The following AGBL4 variants were observed in gnomAD, a reference collection of about 807,000 sequenced individuals.
AGBL4 encodes AGBL carboxypeptidase 4.
In AGBL4, 58 loss-of-function variants were observed where a neutral mutation model predicts 66.4. The observed-to-expected ratio is 0.87, with a 90% CI of 0.71 to 1.09. The LOEUF (loss-of-function observed/expected upper bound fraction) is 1.09. Ranked by LOEUF, AGBL4 falls within the 50% of genes least tolerant of loss-of-function variation. AGBL4 has a pLI of 0.00. For missense variants in AGBL4, 579 were observed against 631.0 expected, an observed-to-expected ratio of 0.92 and a Z score of 0.88; for synonymous variants, 234 against 222.9, an observed-to-expected ratio of 1.05 and a Z score of -0.44.
chr1:48,612,509 C>T (rs921808864), intron 9 of AGBL4, among the ~76,000 whole-genome samples: 2 of 152,186 alleles, frequency 1.3e-5, no homozygotes, highest in African/African-American at 2.4e-5. Context: ...GGCAGGGAGG[C>T]TTCTTTCTAC....
At chr1:48,614,571 C>A (rs757986879) in intron 9 of AGBL4, among the ~76,000 whole-genome samples, 5 of 152,206 alleles carry the variant, frequency 3.3e-5, no homozygotes, top group Non-Finnish European at 7.3e-5. Context: ...GCTCTCTTGT[C>A]GCTTTTCCAT....
chr1:48,727,832 G>C, intron 6 of AGBL4: 1 of 1,523,380 alleles, frequency 6.6e-7, no homozygotes, highest in East Asian at 2.3e-5. Flanking sequence ...ACCATCGCTC[G>C]CAAATCACAT....
intron 1 of AGBL4, among the ~76,000 whole-genome samples, chr1:50,000,713 A>G (rs543684824): frequency 1.9e-4 from 29 of 152,344 alleles, no homozygotes; most frequent in South Asian, 1.5e-3. Flanking sequence ...TATGGTATAT[A>G]TACACCATGG....
chr1:49,329,360 A>G (rs781177479), intron 3 of AGBL4, among the ~76,000 whole-genome samples: 1 of 151,820 alleles, frequency 6.6e-6, no homozygotes, highest in South Asian at 2.1e-4. Flanking sequence ...AGCTCTCCCA[A>G]CTTAAAAAAA....
chr1:49,064,934 A>T (rs965524082), intron 4 of AGBL4, among the ~76,000 whole-genome samples: 10 of 152,196 alleles, frequency 6.6e-5, no homozygotes, highest in African/African-American at 1.9e-4. Context: ...TAAGGTTACA[A>T]TTCTAAGAAT....
intron 4 of AGBL4, among the ~76,000 whole-genome samples, chr1:49,085,756 T>A (rs1243380509): frequency 6.6e-6 from 1 of 152,038 alleles, no homozygotes; most frequent in African/African-American, 2.4e-5. Flanking sequence ...CCTGGGGGAT[T>A]CATACTCTCC....
intron 13 of AGBL4, 148 bp from the exon 14 acceptor site, chr1:48,534,441 CA>C (rs1643937127): frequency 1.8e-6 from 2 of 1,105,270 alleles, no homozygotes; most frequent in African/African-American, 1.6e-5. Flanking sequence ...CTAAAGGTGA[CA>C]AAAATGAGCA....
chr1:49,807,060 A>G (rs538325613), intron 2 of AGBL4, among the ~76,000 whole-genome samples: 10 of 152,206 alleles, frequency 6.6e-5, no homozygotes, highest in African/African-American at 9.7e-5. Flanking sequence ...AGTTCTAGGC[A>G]TGCAATCCAG....
intron 3 of AGBL4, among the ~76,000 whole-genome samples, chr1:49,599,328 T>C (rs559293759): frequency 6.6e-6 from 1 of 152,242 alleles, no homozygotes; most frequent in Non-Finnish European, 1.5e-5. Context: ...TGGTTTAGAC[T>C]TGGGAGGGTG....
intron 1 of AGBL4, among the ~76,000 whole-genome samples, chr1:49,882,432 T>G (rs1426120090): frequency 6.6e-6 from 1 of 151,326 alleles, no homozygotes; most frequent in Admixed American, 6.6e-5. Flanking sequence ...AAGAAAGTCA[T>G]TGGTAGCTTG....
chr1:49,814,257 T>G (rs79675695), intron 2 of AGBL4, among the ~76,000 whole-genome samples: 2 of 152,260 alleles, frequency 1.3e-5, no homozygotes, highest in African/African-American at 4.8e-5. Flanking sequence ...CATATAAGTA[T>G]CTATGTATCA....
At chr1:49,839,139 GA>G (rs1348670728) in intron 2 of AGBL4, among the ~76,000 whole-genome samples, 2 of 152,182 alleles carry the variant, frequency 1.3e-5, no homozygotes. Flanking sequence ...TCCTTGTTAA[GA>G]AAGCAGAGAA....
intron 1 of AGBL4, among the ~76,000 whole-genome samples, chr1:49,946,460 T>C (rs765993387): frequency 4.6e-5 from 7 of 152,006 alleles, no homozygotes; most frequent in Admixed American, 4.6e-4. Context: ...TGAATGATCA[T>C]TGAGTCAACA....
Position 49,950,056 on chromosome 1 carries a change from A to G in AGBL4, c.34+73707T>C, listed in dbSNP as rs1216064150. Among the ~76,000 whole-genome samples the G allele has an allele frequency of 2.8e-5, 4 of 143,188 alleles. No homozygotes were observed. In the South Asian group the frequency reaches 8.8e-4, roughly 32 times the overall value. The allele number at this position is 143,188 out of a possible 152,430, so 93.9% of individuals were successfully genotyped here. On this transcript the variant is annotated intron_variant, in intron 1 of 13. Coordinates refer to ENST00000371839, the MANE Select transcript of AGBL4 (RefSeq NM_032785.4). ...TGTATATATATACACATATGTGTAT[A>G]TATACACACATATATATACACATAT...
intron 4 of AGBL4, among the ~76,000 whole-genome samples, chr1:49,160,337 T>G (rs1226643534): frequency 6.6e-6 from 1 of 152,176 alleles, no homozygotes; most frequent in Admixed American, 6.5e-5. Flanking sequence ...GCAGGTCTGC[T>G]GGAGTTTGCT....
At chr1:49,109,829 A>G (rs1471128446) in intron 4 of AGBL4, among the ~76,000 whole-genome samples, 1 of 152,068 alleles carries the variant, frequency 6.6e-6, no homozygotes. Flanking sequence ...ATCCAACATC[A>G]CAGATTTTAA....
At chr1:49,738,169 G>T (rs1650064015) in intron 2 of AGBL4, among the ~76,000 whole-genome samples, 1 of 152,238 alleles carries the variant, frequency 6.6e-6, no homozygotes, top group Non-Finnish European at 1.5e-5. Context: ...AAGGACAGCG[G>T]TGACTGAAGG....
chr1:48,580,983 T>C (rs1319482559), intron 11 of AGBL4, among the ~76,000 whole-genome samples: 1 of 150,962 alleles, frequency 6.6e-6, no homozygotes, highest in African/African-American at 2.5e-5. Flanking sequence ...GAAGCCTTTC[T>C]TCCGACCCCC....
At chr1:48,821,430 A>T (rs147554835) in intron 6 of AGBL4, among the ~76,000 whole-genome samples, 1,715 of 152,310 alleles carry the variant, frequency 0.011, 31 homozygotes, top group African/African-American at 0.039. Flanking sequence ...GAATGAAATC[A>T]TGTCCTTTGC....
Sources: gnomAD v4.1 joint callset for allele counts (sites outside exome capture counted in the v4.1 genomes callset) on GRCh38, gnomAD v4.1.1 for gene constraint, MANE v1.5 for transcripts, NCBI Gene and HGNC (gene_info 2026-07-23, HGNC 2026-07-21) for gene names.